Variants in ZNFX1 observed in about 807,000 individuals in gnomAD.
ZNFX1 encodes NFX1-type zinc finger-containing protein 1.
Under a neutral mutation model 179.8 loss-of-function variants are expected in ZNFX1, and 78 were observed. The observed-to-expected ratio is 0.43, with a 90% CI of 0.36 to 0.52. The LOEUF is 0.52. Among genes scored for constraint, ZNFX1 ranks in the 20% least tolerant of loss-of-function variants. ZNFX1 has a pLI of 0.00. For synonymous variants in ZNFX1, 848 were observed against 868.5 expected (o/e 0.98, Z 0.42); for missense variants, 1,927 against 2,386.6 (o/e 0.81, Z 4.01).
intron 1 of ZNFX1, among the ~76,000 whole-genome samples, chr20:49,277,496 C>T (rs1272670685): frequency 6.2e-5 from 8 of 128,762 alleles, no homozygotes; most frequent in African/African-American, 1.5e-4. Context: ...GAGGTGAGGC[C>T]GGAGGAATGA....
intron 10 of ZNFX1, 81 bp from the exon 11 acceptor site, chr20:49,253,892 T>G (rs1474053954): frequency 6.6e-7 from 1 of 1,520,698 alleles, no homozygotes; most frequent in African/African-American, 1.4e-5. Context: ...GGGAATCCAC[T>G]TCTGTATCTT....
At chr20:49,269,402 C>G (rs1192106378) in intron 3 of ZNFX1, among the ~76,000 whole-genome samples, 1 of 152,096 alleles carries the variant, frequency 6.6e-6, no homozygotes. Flanking sequence ...CTATCAAGGG[C>G]TGAGTGCAGC....
At chr20:49,275,253 C>T (rs1344231943) in intron 2 of ZNFX1, among the ~76,000 whole-genome samples, 1 of 152,214 alleles carries the variant, frequency 6.6e-6, no homozygotes, top group South Asian at 2.1e-4. Context: ...AAGTGAACTG[C>T]ACCCATTCAT....
chr20:49,251,486 T>G, intron 13 of ZNFX1, 41 bp downstream of exon 13: 2 of 1,576,510 alleles, frequency 1.3e-6, no homozygotes, highest in Non-Finnish European at 1.7e-6. Context: ...CTTTTTAGGT[T>G]GCTGACACCA....
At chr20:49,269,851 A>T in intron 3 of ZNFX1, 91 bp downstream of exon 3, 1 of 1,432,052 alleles carries the variant, frequency 7.0e-7, no homozygotes, top group Non-Finnish European at 9.4e-7. Flanking sequence ...ATAAGTAAAT[A>T]AGAAGACATT....
intron 3 of ZNFX1, among the ~76,000 whole-genome samples, chr20:49,269,648 T>C (rs191810762): frequency 1.9e-4 from 29 of 152,258 alleles, no homozygotes; most frequent in African/African-American, 7.0e-4. Context: ...GCCACTGCAC[T>C]CCAGCCTGGG....
At chr20:49,264,257 G>C (rs1458138272) in intron 5 of ZNFX1, among the ~76,000 whole-genome samples, 1 of 152,122 alleles carries the variant, frequency 6.6e-6, no homozygotes, top group East Asian at 1.9e-4. Flanking sequence ...AGAAAGTTTT[G>C]GATTTGGATT....
Position 49,247,121 on chromosome 20 carries a change from C to T in ZNFX1, c.*146G>A. ...TGACCTCGTGATCCGCCTGCCTCGG[C>T]CTCCCAAAGTGCTGGGATTACAGGC... On this transcript the variant is annotated 3_prime_UTR_variant, in exon 14 of 14. Transcript: ENST00000396105. The T allele has an allele frequency of 9.0e-7, 1 of 1,110,918 alleles. No homozygotes were observed. Among genetic ancestry groups the T allele is most frequent in the Non-Finnish European group, 1.3e-6 (1 of 790,920 alleles). The allele number at this position is 1,110,918 out of a possible 1,614,324, so 68.8% of individuals were successfully genotyped here.
rs1980679006 is a variant in ZNFX1 at position 49,246,664 on chromosome 20, A to C, written c.*603T>G. 2.8e-6 allele frequency: 1 copy of C among 351,960 alleles called. No individual in the cohort carries two copies. The highest frequency in any genetic ancestry group is 3.9e-5 in the Admixed American group (1 of 25,544). The allele number at this position is 351,960 out of a possible 1,614,324, so 21.8% of individuals were successfully genotyped here. A position where few individuals can be genotyped will look rare whatever the true frequency, so the allele number is the denominator to read the frequency against. ...CATCTGACCAAGTAAAGACCCAGAG[A>C]TACCACTAGGTGGCCCTAGGTGGAA... On this transcript the variant is annotated 3_prime_UTR_variant, in exon 14 of 14. Transcript: ENST00000396105.
At chr20:49,262,361 G>A (rs372815399) in intron 6 of ZNFX1, among the ~76,000 whole-genome samples, 1 of 148,854 alleles carries the variant, frequency 6.7e-6, no homozygotes, top group African/African-American at 2.5e-5. Flanking sequence ...AGCCAAGATC[G>A]CGCCATTGCA....
chr20:49,257,304 T>C, intron 8 of ZNFX1, 113 bp downstream of exon 8: 1 of 1,438,660 alleles, frequency 7.0e-7, no homozygotes, highest in East Asian at 2.3e-5. Context: ...TAGGCTGTAA[T>C]ACAGGTACTT....
rs779629481 is a variant in ZNFX1, at chr20:49,269,918, GTACTC to G, written c.1870+19_1870+23del. On this transcript the variant is annotated intron_variant, in intron 3 of 13. Transcript: ENST00000396105. Reference sequence around the variant, plus strand: ...GCTTATCTTACAAAGCAGATCTTATGTACTCTAAAAAATTTTGTCTTACCTGTTCC... The same window carrying G: ...GCTTATCTTACAAAGCAGATCTTATGTAAAAAATTTTGTCTTACCTGTTCC... The G allele has an allele frequency of 1.6e-5, 25 of 1,565,594 alleles. No homozygotes were observed. The highest frequency in any genetic ancestry group is 2.1e-5 in the Non-Finnish European group (24 of 1,159,384).
At chr20:49,265,626 T>C (rs2146738171) in intron 4 of ZNFX1, among the ~76,000 whole-genome samples, 1 of 152,280 alleles carries the variant, frequency 6.6e-6, no homozygotes, top group East Asian at 1.9e-4. Context: ...TATTTAGTAT[T>C]TTTTGAGTGC....
At chr20:49,277,738 G>C (rs1175753437) in intron 1 of ZNFX1, among the ~76,000 whole-genome samples, 1 of 151,038 alleles carries the variant, frequency 6.6e-6, no homozygotes, top group Non-Finnish European at 1.5e-5. Context: ...GGAGGTCTGG[G>C]GTCTGAGGGG....
Position 49,270,101 on chromosome 20 carries a change from G to C in ZNFX1, c.1711C>G (p.Leu571Val), listed in dbSNP as rs142114453. ...TGTCTCAAACCCTCGACATTTCTTA[G>C]AAATTCCCCAGTGGCTGAAGGATTC... Reference protein sequence around the residue: ...IENPSATGEFLRNVEGLRHPR... With the variant: ...IENPSATGEFVRNVEGLRHPR... The change falls in exon 3 of 14, where the codon CTA (leucine) becomes GTA (valine). Residue 571 changes from leucine to valine, a missense_variant. Coordinates refer to ENST00000396105, the MANE Select transcript of ZNFX1 (RefSeq NM_021035.3). This position sits in a 1 kb window ranked among gnomAD's most constrained non-coding sequence, Gnocchi z 4.6. 698 of 1,614,202 alleles carry C rather than the reference G, an allele frequency of 4.3e-4. No homozygotes were observed. Among genetic ancestry groups the C allele is most frequent in the Non-Finnish European group, 5.4e-4 (637 of 1,180,036 alleles).
In ZNFX1 at chr20:49,270,006, C is replaced by T. The variant is rs1477864990; in HGVS notation, c.1806G>A (p.Gln602=). Residue 602 remains glutamine (Q), a synonymous_variant, in exon 3 of 14, where the codon CAG becomes CAA. Transcript: ENST00000396105. This position sits in a 1 kb window ranked among gnomAD's most constrained non-coding sequence, Gnocchi z 4.6. The part of the protein sequence containing the change: ...SKEALKLDDS[Q]MEALQFALTR... ...TGAGAGCAAACTGCAAGGCTTCCAT[C>T]TGGGAGTCATCCAGCTTCAGGGCTT... The T allele has an allele frequency of 6.2e-7, 1 of 1,614,012 alleles. No homozygotes were observed. The highest frequency in any genetic ancestry group is 8.5e-7 in the Non-Finnish European group (1 of 1,180,042).
In ZNFX1 at chr20:49,271,332, C is replaced by G. The variant is rs1041046859; in HGVS notation, c.480G>C (p.Val160=). ...ESLLQKDPSE[V]VITLATSLGL... is the part of the protein sequence containing the mutation. The stretch of plus-strand genomic sequence containing the variant: ...CTAAACTTGTGGCAAGTGTGATGAC[C>G]ACCTCAGAAGGGTCTTTCTGCAGAA... Residue 160 remains valine (V), a synonymous_variant, in exon 3 of 14, where the codon GTG becomes GTC. Coordinates refer to ENST00000396105, the MANE Select transcript of ZNFX1 (RefSeq NM_021035.3). 9 of 1,614,028 alleles carry G rather than the reference C, an allele frequency of 5.6e-6. No homozygotes were observed. Among genetic ancestry groups the G allele is most frequent in the Non-Finnish European group, 6.8e-6 (8 of 1,180,032 alleles).
At chr20:49,269,635 C>T (rs1453958155) in intron 3 of ZNFX1, among the ~76,000 whole-genome samples, 4 of 152,254 alleles carry the variant, frequency 2.6e-5, no homozygotes, top group Non-Finnish European at 5.9e-5. Flanking sequence ...GAGCCGGAAT[C>T]GTGCCACTGC....
At chr20:49,264,564 G>A (rs1421785525) in intron 5 of ZNFX1, 152 bp downstream of exon 5, 1 of 922,978 alleles carries the variant, frequency 1.1e-6, no homozygotes, top group Non-Finnish European at 1.7e-6. Context: ...TCATACCAAG[G>A]GATTGGCAGA....
Sources: allele counts gnomAD v4.1 joint callset (sites outside exome capture counted in the v4.1 genomes callset), GRCh38; gene constraint gnomAD v4.1.1; non-coding constraint Gnocchi (gnomAD v3.1); transcripts MANE v1.5; gene names NCBI Gene and HGNC (gene_info 2026-07-23, HGNC 2026-07-21).